Variants in LY75 observed in about 807,000 individuals in gnomAD.
LY75 encodes the protein C-type lectin domain family 13 member B.
LY75 carries 185 observed loss-of-function variants against 231.7 expected under a neutral mutation model. The ratio of observed to expected loss-of-function variants is 0.80; its 90% CI spans 0.71 to 0.90. LY75 has a LOEUF of 0.90. Among genes scored for constraint, LY75 ranks in the 40% least tolerant of loss-of-function variants. The pLI, the probability that LY75 is intolerant of heterozygous loss-of-function variation, is 0.00. For synonymous variants in LY75, 668 were observed against 689.0 expected, an observed-to-expected ratio of 0.97 and a Z score of 0.48; for missense variants, 1,947 against 2,050.2, an observed-to-expected ratio of 0.95 and a Z score of 0.97.
In LY75 at chr2:159,813,775, T is replaced by C. The variant is rs145744962; in HGVS notation, c.4549+1630A>G. The C allele has an allele frequency of 1.3e-3, 195 of 152,386 alleles. 3 individuals are homozygous for C. The highest frequency in any genetic ancestry group is 4.5e-3 in the African/African-American group (185 of 41,568). The allele number at this position is 152,386 out of a possible 1,614,324, so 9.4% of individuals were successfully genotyped here. ...TTCTAAGGTTCTGACTGGACGGGAA[T>C]CTTTGGGGAGGAGGCACTCTTCAAC... is the stretch of plus-strand genomic sequence containing the variant. On this transcript the variant is annotated intron_variant, in intron 31 of 34. Coordinates refer to ENST00000263636, the MANE Select transcript of LY75 (RefSeq NM_002349.4).
chr2:159,826,838 C>G (rs1001172853), intron 28 of LY75, among the ~76,000 whole-genome samples: 1 of 152,146 alleles, frequency 6.6e-6, no homozygotes, highest in East Asian at 1.9e-4. Context: ...ACAAATCTGA[C>G]ACAAACAAGC....
chr2:159,881,294 T>C (rs1303466000), intron 7 of LY75, 54 bp from the exon 8 acceptor site: 2 of 1,526,030 alleles, frequency 1.3e-6, no homozygotes, highest in Non-Finnish European at 1.8e-6. Flanking sequence ...TACTGTAATA[T>C]GTACATTGTT....
Position 159,840,721 on chromosome 2 carries a change from A to C in LY75, c.3507+8T>G. The stretch of plus-strand genomic sequence containing the variant: ...ACCCAGTCCTGGCAGTTGGGACTGA[A>C]CACTTACATCTTGACTGAAGAGTCC... On this transcript the variant is annotated splice_region_variant and intron_variant, in intron 25 of 34. Transcript: ENST00000263636. 3 of 1,613,996 alleles carry C rather than the reference A, an allele frequency of 1.9e-6. No homozygotes were observed. Among genetic ancestry groups the C allele is most frequent in the Non-Finnish European group, 2.5e-6 (3 of 1,179,904 alleles).
intron 13 of LY75, among the ~76,000 whole-genome samples, chr2:159,865,456 T>C (rs1321544947): frequency 6.6e-6 from 1 of 152,106 alleles, no homozygotes; most frequent in Non-Finnish European, 1.5e-5. Flanking sequence ...GTGATTATAC[T>C]TATCACCTAT....
intron 20 of LY75, 123 bp downstream of exon 20, chr2:159,853,150 T>C: frequency 9.9e-7 from 1 of 1,007,716 alleles, no homozygotes; most frequent in Non-Finnish European, 1.4e-6. Flanking sequence ...TTGCTAATAA[T>C]AAATCAGAAT....
At chr2:159,897,632 G>A (rs1218250464) in intron 2 of LY75, among the ~76,000 whole-genome samples, 2 of 152,158 alleles carry the variant, frequency 1.3e-5, no homozygotes, top group Non-Finnish European at 2.9e-5. Context: ...GTGACTTTGA[G>A]GCCAAATTTA....
intron 28 of LY75, among the ~76,000 whole-genome samples, chr2:159,827,675 AC>A (rs1346282344): frequency 6.6e-6 from 1 of 152,244 alleles, no homozygotes; most frequent in African/African-American, 2.4e-5. Context: ...TTATTGTGGC[AC>A]TATTCCAATA....
intron 6 of LY75, among the ~76,000 whole-genome samples, chr2:159,883,946 C>G (rs1250038216): frequency 6.6e-6 from 1 of 152,130 alleles, no homozygotes; most frequent in African/African-American, 2.4e-5. Flanking sequence ...CATCCTTTCC[C>G]CTTGATATGG....
intron 5 of LY75, 110 bp downstream of exon 5, chr2:159,886,310 A>G (rs545851420): frequency 3.3e-6 from 4 of 1,199,228 alleles, no homozygotes; most frequent in East Asian, 5.5e-5. Context: ...AGAGGTAACC[A>G]TAGTAAGAGC....
At chr2:159,892,066 C>T (rs1685775289) in intron 3 of LY75, among the ~76,000 whole-genome samples, 2 of 152,170 alleles carry the variant, frequency 1.3e-5, no homozygotes, top group Admixed American at 1.3e-4. Flanking sequence ...GGTTCCCAGA[C>T]CAGCATTATC....
rs1344308736 is a variant in LY75 at position 159,886,522 on chromosome 2, C to T, written c.811G>A (p.Gly271Ser). The T allele has an allele frequency of 1.3e-6, 2 of 1,597,686 alleles. No individual in the cohort carries two copies. Among genetic ancestry groups the T allele is most frequent in the Non-Finnish European group, 1.7e-6 (2 of 1,174,016 alleles). ...AELTYLKEKE[G>S]IAKIFWIGLN... ...CCAATCCAGAAAATCTTAGCAATGCCTTCTTTTTCTGTAAGAATTAAAAAA... is the reference window on the plus strand; with the variant it reads ...CCAATCCAGAAAATCTTAGCAATGCTTTCTTTTTCTGTAAGAATTAAAAAA... The change falls in exon 5 of 35, where the codon GGC becomes AGC. Residue 271 changes from glycine (G) to serine (S), a missense_variant. Gly to Ser is a moderately conservative substitution (Grantham distance 56, BLOSUM62 0). Transcript: ENST00000263636.
chr2:159,882,784 T>C (rs1460404854), intron 6 of LY75, among the ~76,000 whole-genome samples: 2 of 152,140 alleles, frequency 1.3e-5, no homozygotes, highest in African/African-American at 2.4e-5. Context: ...ACGCTCACCG[T>C]TGAACAAAGG....
intron 23 of LY75, among the ~76,000 whole-genome samples, chr2:159,847,486 C>T (rs970788652): frequency 2.0e-5 from 3 of 152,150 alleles, no homozygotes; most frequent in African/African-American, 7.2e-5. Flanking sequence ...GCGTGAGCCA[C>T]CATGCCCACC....
At chr2:159,847,089 G>A (rs536493012) in intron 23 of LY75, among the ~76,000 whole-genome samples, 1 of 152,216 alleles carries the variant, frequency 6.6e-6, no homozygotes, top group African/African-American at 2.4e-5. Context: ...TCAGCTCACT[G>A]CAACTTCCGC....
At chr2:159,836,632 G>A (rs552816315) in intron 25 of LY75, among the ~76,000 whole-genome samples, 4 of 152,274 alleles carry the variant, frequency 2.6e-5, no homozygotes, top group South Asian at 2.1e-4. Context: ...GGAACGAAGC[G>A]ACACAGTCTC....
At chr2:159,877,842 C>T (rs1012742666) in intron 11 of LY75, among the ~76,000 whole-genome samples, 1 of 152,122 alleles carries the variant, frequency 6.6e-6, no homozygotes, top group African/African-American at 2.4e-5. Flanking sequence ...GCATTCCAGC[C>T]TGGGCAACAG....
chr2:159,829,207 A>G (rs531727760), intron 28 of LY75, among the ~76,000 whole-genome samples: 1 of 152,226 alleles, frequency 6.6e-6, no homozygotes, highest in African/African-American at 2.4e-5. Flanking sequence ...ACCCCTAAAC[A>G]TCTGCCTGCA....
At chr2:159,846,037 T>C (rs1428924809) in intron 23 of LY75, among the ~76,000 whole-genome samples, 1 of 151,676 alleles carries the variant, frequency 6.6e-6, no homozygotes, top group Non-Finnish European at 1.5e-5. Context: ...ATTCCTGGGC[T>C]CAAGTGATCC....
intron 23 of LY75, among the ~76,000 whole-genome samples, chr2:159,845,953 T>A (rs780012573): frequency 6.6e-6 from 1 of 151,426 alleles, no homozygotes; most frequent in Admixed American, 6.6e-5. Flanking sequence ...TATTGCTATA[T>A]TGTTTTCTCT....
Sources: allele counts gnomAD v4.1 joint callset (sites outside exome capture counted in the v4.1 genomes callset), GRCh38; gene constraint gnomAD v4.1.1; transcripts MANE v1.5; gene names NCBI Gene and HGNC (gene_info 2026-07-23, HGNC 2026-07-21).